TBC1D5: variants seen among roughly 807,000 people sequenced by gnomAD.
The protein encoded by TBC1D5 is TBC1 domain family, member 5.
In TBC1D5, 75 loss-of-function variants were observed where a neutral mutation model predicts 100.3. The ratio of observed to expected loss-of-function variants is 0.75; its 90% confidence interval spans 0.62 to 0.91. TBC1D5 has a LOEUF of 0.91. TBC1D5 is among the 40% of genes least tolerant of loss of function. The pLI, the probability that TBC1D5 is intolerant of heterozygous loss-of-function variation, is 0.00. For missense variants in TBC1D5, 910 were observed against 942.4 expected, an observed-to-expected ratio of 0.97 and a Z score of 0.45; for synonymous variants, 323 against 325.6, an observed-to-expected ratio of 0.99 and a Z score of 0.09.
At chr3:17,701,559 C>T (rs1163148272) in intron 1 of TBC1D5, among the ~76,000 whole-genome samples, 1 of 152,032 alleles carries the variant, frequency 6.6e-6, no homozygotes, top group African/African-American at 2.4e-5. Flanking sequence ...CGCTTGAGCC[C>T]AGGAAGCAGA....
At chr3:17,529,766 C>A (rs980384507) in intron 2 of TBC1D5, among the ~76,000 whole-genome samples, 1 of 151,934 alleles carries the variant, frequency 6.6e-6, no homozygotes, top group Admixed American at 6.6e-5. Flanking sequence ...CCTGCCTCAG[C>A]CTCTCGAGTA....
At chr3:17,365,900 T>C (rs2092091478) in intron 13 of TBC1D5, among the ~76,000 whole-genome samples, 1 of 152,192 alleles carries the variant, frequency 6.6e-6, no homozygotes, top group South Asian at 2.1e-4. Flanking sequence ...TTGGTAACTA[T>C]TTAATCTAAA....
At chr3:17,590,285 A>G (rs1216556545) in intron 2 of TBC1D5, among the ~76,000 whole-genome samples, 1 of 152,226 alleles carries the variant, frequency 6.6e-6, no homozygotes, top group African/African-American at 2.4e-5. Flanking sequence ...ATCAGGCTGA[A>G]TTTATTGATT....
chr3:17,335,199 G>A (rs914208609), intron 13 of TBC1D5, among the ~76,000 whole-genome samples: 1 of 151,924 alleles, frequency 6.6e-6, no homozygotes, highest in African/African-American at 2.4e-5. Flanking sequence ...TAACTAACAG[G>A]GGAAGTCTTA....
chr3:17,491,846 A>C lies in TBC1D5; in HGVS notation c.97+16628T>G, dbSNP rs181222003. The stretch of plus-strand genomic sequence containing the variant: ...GTTAGGGAGGAGTCCCTCCTTTTCA[A>C]CTGGAATAGTTTCAGAAGAAATGGT... On this transcript the variant is annotated intron_variant, in intron 3 of 21. Transcript: ENST00000253692. Among the ~76,000 whole-genome samples the C allele has an allele frequency of 1.0e-3, 154 of 152,230 alleles. 2 individuals carry two copies. In the South Asian group the frequency reaches 0.018, roughly 18 times the overall value.
intron 18 of TBC1D5, among the ~76,000 whole-genome samples, chr3:17,192,879 G>A (rs2070138307): frequency 6.6e-6 from 1 of 152,220 alleles, no homozygotes; most frequent in African/African-American, 2.4e-5. Context: ...GGGAACACTG[G>A]ATTTGTCCCG....
chr3:17,277,240 G>C (rs193121420), intron 15 of TBC1D5, among the ~76,000 whole-genome samples: 1 of 152,108 alleles, frequency 6.6e-6, no homozygotes. Context: ...AAGAAAATAT[G>C]AAATTCTTCA....
At chr3:17,673,882 T>G (rs2068280910) in intron 1 of TBC1D5, among the ~76,000 whole-genome samples, 1 of 152,166 alleles carries the variant, frequency 6.6e-6, no homozygotes, top group African/African-American at 2.4e-5. Context: ...AAAAATGAAC[T>G]GAAGGACTCC....
chr3:17,402,727 A>C (rs1372241651), intron 8 of TBC1D5, among the ~76,000 whole-genome samples: 1 of 152,130 alleles, frequency 6.6e-6, no homozygotes, highest in Non-Finnish European at 1.5e-5. Context: ...AGATTGAGAG[A>C]AGAAATTGTT....
chr3:17,436,104 A>G (rs1272623176), intron 3 of TBC1D5, among the ~76,000 whole-genome samples: 3 of 152,178 alleles, frequency 2.0e-5, no homozygotes, highest in Non-Finnish European at 4.4e-5. Flanking sequence ...GCCTTACTGA[A>G]TTGGTAAAAT....
intron 1 of TBC1D5, among the ~76,000 whole-genome samples, chr3:17,670,795 T>C (rs924129095): frequency 2.0e-5 from 3 of 152,196 alleles, no homozygotes; most frequent in African/African-American, 7.2e-5. Flanking sequence ...TTTCATAGCA[T>C]TCAAAACAAT....
chr3:17,688,789 C>T (rs1178584304), intron 1 of TBC1D5, among the ~76,000 whole-genome samples: 1 of 152,220 alleles, frequency 6.6e-6, no homozygotes, highest in East Asian at 1.9e-4. Flanking sequence ...TGGAACTAAT[C>T]ATTTGTCCTT....
intron 1 of TBC1D5, among the ~76,000 whole-genome samples, chr3:17,654,905 A>G (rs2065911342): frequency 6.6e-6 from 1 of 152,082 alleles, no homozygotes; most frequent in African/African-American, 2.4e-5. Flanking sequence ...GTATGTGTCG[A>G]GCAATTTATC....
At chr3:17,196,315 G>A (rs893684988) in intron 18 of TBC1D5, among the ~76,000 whole-genome samples, 2 of 152,204 alleles carry the variant, frequency 1.3e-5, no homozygotes, top group Non-Finnish European at 2.9e-5. Flanking sequence ...AGCAGAGAAG[G>A]CTCCATGGGA....
chr3:17,390,680 G>A (rs1324780988), intron 8 of TBC1D5, among the ~76,000 whole-genome samples: 1 of 152,050 alleles, frequency 6.6e-6, no homozygotes, highest in African/African-American at 2.4e-5. Flanking sequence ...ATTTTTAAAT[G>A]AGCTGATGAA....
At chr3:17,699,353 T>C (rs1332257969) in intron 1 of TBC1D5, among the ~76,000 whole-genome samples, 1 of 124,442 alleles carries the variant, frequency 8.0e-6, no homozygotes, top group East Asian at 2.7e-4. Flanking sequence ...TGAGAACACA[T>C]GGACACAGGA....
At chr3:17,584,170 T>C (rs545909537) in intron 2 of TBC1D5, among the ~76,000 whole-genome samples, 4 of 152,192 alleles carry the variant, frequency 2.6e-5, no homozygotes, top group Non-Finnish European at 5.9e-5. Flanking sequence ...GATTGATCGA[T>C]GTCAGAGCCT....
At chr3:17,609,492 G>A (rs1389212116) in intron 2 of TBC1D5, among the ~76,000 whole-genome samples, 4 of 151,842 alleles carry the variant, frequency 2.6e-5, no homozygotes, top group Non-Finnish European at 4.4e-5. Flanking sequence ...TCCAACCACC[G>A]ACCTGACCTG....
At chr3:17,741,899 C>T (rs1437704918), upstream of TBC1D5, among the ~76,000 whole-genome samples, 4 of 146,010 alleles carry the variant, frequency 2.7e-5, no homozygotes, top group Admixed American at 1.4e-4. Context: ...ATCCAGGTCA[C>T]GGTTCCCTTC....
Sources: gnomAD v4.1 joint callset for allele counts (sites outside exome capture counted in the v4.1 genomes callset) on GRCh38, gnomAD v4.1.1 for gene constraint, MANE v1.5 for transcripts, NCBI Gene and HGNC (gene_info 2026-07-23, HGNC 2026-07-21) for gene names.